The following LRBA variants were observed in gnomAD, a reference collection of about 807,000 sequenced individuals.
The protein encoded by LRBA is LPS responsive beige-like anchor protein.
A neutral mutation model predicts 330.0 loss-of-function variants in LRBA; 176 were observed. The ratio of observed to expected loss-of-function variants is 0.53; its 90% confidence interval spans 0.47 to 0.60. The LOEUF (loss-of-function observed/expected upper bound fraction) is 0.60, where lower values mean the gene tolerates loss of function less well. Ranked by LOEUF, LRBA falls within the 20% of genes least tolerant of loss-of-function variation. The pLI, the probability that LRBA is intolerant of heterozygous loss-of-function variation, is 0.00. For missense variants in LRBA, 3,259 were observed against 3,444.8 expected (o/e 0.95, Z 1.35); for synonymous variants, 1,230 against 1,193.0 (o/e 1.03, Z -0.64).
rs202090159 is a variant in LRBA, at chr4:150,928,907, A to T, written c.375T>A (p.Leu125=). The change falls in exon 3 of 57, where the codon CTT becomes CTA. Residue 125 remains leucine (L), a synonymous_variant. Coordinates refer to ENST00000651943, the MANE Select transcript of LRBA (RefSeq NM_001364905.1). ...CAAGGCCTACTTCAGTGCAGACTTG[A>T]AGATTCCGTATGCTTTTCTTCAGAA... ...TAILKKSIRN[L]QVCTEVGLVE... 3.1e-5 allele frequency: 50 copies of T among 1,614,120 alleles called. No homozygotes were observed. In the Admixed American group the frequency reaches 4.7e-4, roughly 15 times the overall value.
intron 2 of LRBA, among the ~76,000 whole-genome samples, chr4:150,939,872 A>G (rs1463369190): frequency 6.6e-6 from 1 of 152,186 alleles, no homozygotes. Flanking sequence ...TATTGGGTAC[A>G]ATGTGCACTA....
At chr4:150,685,418 AT>A (rs1783506434) in intron 36 of LRBA, among the ~76,000 whole-genome samples, 3 of 18,796 alleles carry the variant, frequency 1.6e-4, no homozygotes, top group African/African-American at 6.2e-4. Flanking sequence ...ATATATATAT[AT>A]ATTTTTTTTT....
rs1247258723 is a variant in LRBA at position 150,435,737 on chromosome 4, A to T, written c.6922-29T>A. On this transcript the variant is annotated intron_variant, in intron 45 of 56. Coordinates refer to ENST00000651943, the MANE Select transcript of LRBA (RefSeq NM_001364905.1). ...AAAAATAGCAATTAAAAAAATCCAT[A>T]TGTTCCCTCAGGCATAAAAATGTGG... 1.9e-6 allele frequency: 3 copies of T among 1,576,092 alleles called. No homozygotes were observed. The African/African-American group carries it at 4.1e-5, about 22-fold the overall frequency.
rs989049337 is a variant in LRBA, at chr4:150,273,537, G to GACCC, written c.8468+4312_8468+4315dup. Among the ~76,000 whole-genome samples, 66 of 151,980 alleles carry GACCC rather than the reference G, an allele frequency of 4.3e-4. 1 individual carries two copies. Among genetic ancestry groups the GACCC allele is most frequent in the Admixed American group, 3.6e-3 (55 of 15,256 alleles). On this transcript the variant is annotated intron_variant, in intron 56 of 56. Coordinates refer to ENST00000651943, the MANE Select transcript of LRBA (RefSeq NM_001364905.1). ...ACTGGCAAATTGGATAAAGAGTCAA[G>GACCC]ACCCATCAGTGTGCTATATTCAGGA...
chr4:150,948,844 TAAC>T (rs1736510065), intron 2 of LRBA, among the ~76,000 whole-genome samples: 1 of 151,832 alleles, frequency 6.6e-6, no homozygotes, highest in South Asian at 2.1e-4. Context: ...ACAAAAAGTC[TAAC>T]ATCATTAGGC....
At chr4:150,313,789 T>C (rs890203903) in intron 51 of LRBA, among the ~76,000 whole-genome samples, 4 of 150,646 alleles carry the variant, frequency 2.7e-5, no homozygotes, top group Non-Finnish European at 4.4e-5. Context: ...TTGGGGATGA[T>C]AGCCAAGTCT....
At chr4:150,653,628 A>G (rs552605006) in intron 37 of LRBA, among the ~76,000 whole-genome samples, 1 of 152,336 alleles carries the variant, frequency 6.6e-6, no homozygotes, top group Non-Finnish European at 1.5e-5. Flanking sequence ...TTTCTAGGCC[A>G]TTCCAGTAGG....
In LRBA at chr4:150,592,582, C is replaced by T. The variant is rs1416708698; in HGVS notation, c.6047-1723G>A. Among the ~76,000 whole-genome samples the T allele has an allele frequency of 2.6e-5, 4 of 152,158 alleles. No individual in the cohort carries two copies. The East Asian group carries it at 7.7e-4, about 29-fold the overall frequency. On this transcript the variant is annotated intron_variant, in intron 38 of 56. Coordinates refer to ENST00000651943, the MANE Select transcript of LRBA (RefSeq NM_001364905.1). ...AGCTACACACATATGATGGTCTGGA[C>T]ATATGTTTGAAAAGATTACTTTAGT...
chr4:150,579,663 T>A, intron 40 of LRBA: 2 of 456,490 alleles, frequency 4.4e-6, no homozygotes, highest in South Asian at 3.1e-5. Context: ...GAGCCGCCAG[T>A]GGAGGTGCAG....
At position 150,631,183 on chromosome 4, in the gene LRBA, T is replaced by TA. The variant is rs139635302; in HGVS notation, c.5922-32053dup. Among the ~76,000 whole-genome samples the TA allele has an allele frequency of 4.0e-3, 583 of 144,838 alleles. 3 individuals carry two copies. The highest frequency in any genetic ancestry group is 5.4e-3 in the Non-Finnish European group (357 of 65,560). On this transcript the variant is annotated intron_variant, in intron 37 of 56. Transcript: ENST00000651943. ...CAGAGTTTAGACTATTCTTGATCTT[T>TA]AAAAAAAAAAAAGTAAATGCAGAGA...
chr4:150,319,145 A>G (rs1480251401), intron 50 of LRBA, among the ~76,000 whole-genome samples: 2 of 152,194 alleles, frequency 1.3e-5, no homozygotes, highest in Non-Finnish European at 1.5e-5. Context: ...ACTTGAAATC[A>G]GCTGGAGACC....
At chr4:150,684,232 G>T (rs1375307313) in intron 36 of LRBA, among the ~76,000 whole-genome samples, 1 of 152,164 alleles carries the variant, frequency 6.6e-6, no homozygotes, top group Admixed American at 6.6e-5. Context: ...AGAATGGATT[G>T]TAGTGGGACA....
chr4:150,901,730 A>G (rs1278179680), intron 13 of LRBA, among the ~76,000 whole-genome samples: 1 of 152,244 alleles, frequency 6.6e-6, no homozygotes, highest in Non-Finnish European at 1.5e-5. Flanking sequence ...ACTTAAAAGC[A>G]GGGCTTGGAA....
At chr4:150,949,435 G>T (rs953796854) in intron 2 of LRBA, among the ~76,000 whole-genome samples, 1 of 151,958 alleles carries the variant, frequency 6.6e-6, no homozygotes, top group African/African-American at 2.4e-5. Context: ...AGGAAAGTGG[G>T]TATAGCTGTA....
At chr4:150,740,895 A>T (rs1731867568) in intron 35 of LRBA, among the ~76,000 whole-genome samples, 1 of 152,086 alleles carries the variant, frequency 6.6e-6, no homozygotes, top group Non-Finnish European at 1.5e-5. Flanking sequence ...TGATAATGAT[A>T]TTAAAAGACT....
chr4:150,546,140 G>A (rs1459901298), intron 40 of LRBA, among the ~76,000 whole-genome samples: 4 of 152,008 alleles, frequency 2.6e-5, no homozygotes, highest in African/African-American at 2.4e-5. Flanking sequence ...GCGATATTAC[G>A]ACTTTGAACT....
chr4:150,754,668 G>A (rs956300039), intron 35 of LRBA, among the ~76,000 whole-genome samples: 2 of 151,968 alleles, frequency 1.3e-5, no homozygotes, highest in South Asian at 4.1e-4. Context: ...AGTAACTCAC[G>A]CCTGTAATCC....
chr4:151,014,732 A>G lies in LRBA; in HGVS notation c.-90T>C. 2 of 826,332 alleles carry G rather than the reference A, an allele frequency of 2.4e-6. No individual in the cohort carries two copies. The highest frequency in any genetic ancestry group is 5.4e-5 in the East Asian group (2 of 37,258). The allele number at this position is 826,332 out of a possible 1,614,324, so 51.2% of individuals were successfully genotyped here. On this transcript the variant is annotated 5_prime_UTR_variant, in exon 2 of 57. Transcript: ENST00000651943. ...AGCACAACACACGCAATGCAAAACG[A>G]AAGGGTCCCTCTTCCAACTTGTGGA...
At chr4:150,567,371 T>A (rs72736314) in intron 40 of LRBA, among the ~76,000 whole-genome samples, 2 of 152,080 alleles carry the variant, frequency 1.3e-5, no homozygotes, top group African/African-American at 2.4e-5. Context: ...AAGAAAAAGG[T>A]AGGTGATATA....
Sources: allele counts gnomAD v4.1 joint callset (sites outside exome capture counted in the v4.1 genomes callset), GRCh38; gene constraint gnomAD v4.1.1; transcripts MANE v1.5; gene names NCBI Gene and HGNC (gene_info 2026-07-23, HGNC 2026-07-21).